Variants in TRPS1 observed in about 807,000 individuals in gnomAD.
TRPS1 encodes the protein transcriptional repressor GATA binding 1, also known as zinc finger transcription factor Trps1.
A neutral mutation model predicts 101.2 loss-of-function variants in TRPS1; 6 were observed. The observed-to-expected ratio is 0.06, with a 90% CI of 0.03 to 0.12. TRPS1 has a LOEUF of 0.12. Among genes scored for constraint, TRPS1 ranks in the 10% least tolerant of loss-of-function variants. The pLI is 1.00. For synonymous variants in TRPS1, 578 were observed against 589.8 expected, an observed-to-expected ratio of 0.98 and a Z score of 0.29; for missense variants, 1,363 against 1,567.0, an observed-to-expected ratio of 0.87 and a Z score of 2.20.
intron 1 of TRPS1, among the ~76,000 whole-genome samples, chr8:115,664,578 G>T (rs947460407): frequency 8.6e-5 from 13 of 152,014 alleles, no homozygotes; most frequent in African/African-American, 3.1e-4. Flanking sequence ...TGATAAATGA[G>T]TAAACAAGAC....
At chr8:115,600,876 G>T (rs1442084293) in intron 4 of TRPS1, among the ~76,000 whole-genome samples, 2 of 152,016 alleles carry the variant, frequency 1.3e-5, no homozygotes, top group Non-Finnish European at 2.9e-5. Flanking sequence ...AATGCAGTGA[G>T]AAAACCATTC....
chr8:115,559,811 A>C (rs958146085), intron 5 of TRPS1, among the ~76,000 whole-genome samples: 15 of 152,248 alleles, frequency 9.9e-5, no homozygotes, highest in Admixed American at 3.3e-4. Context: ...CCAGGTGTAC[A>C]TCTTTTATAT....
At chr8:115,539,833 G>A (rs1292953395) in intron 5 of TRPS1, among the ~76,000 whole-genome samples, 2 of 152,160 alleles carry the variant, frequency 1.3e-5, no homozygotes, top group Non-Finnish European at 2.9e-5. Context: ...TCCAGCCTGG[G>A]ACATAGAGGC....
At chr8:115,415,181 A>G (rs1812889200) in intron 6 of TRPS1, 97 bp from the exon 7 acceptor site, 15 of 1,302,394 alleles carry the variant, frequency 1.2e-5, no homozygotes, top group Admixed American at 1.0e-4. Context: ...GCTTAAGTTC[A>G]AAGCAGGGAT....
chr8:115,558,491 G>C (rs898338094), intron 5 of TRPS1, among the ~76,000 whole-genome samples: 1 of 152,128 alleles, frequency 6.6e-6, no homozygotes, highest in Non-Finnish European at 1.5e-5. Flanking sequence ...AGAATTCAAG[G>C]TTATAGTTTG....
At chr8:115,457,402 A>C (rs1217893617) in intron 5 of TRPS1, among the ~76,000 whole-genome samples, 2 of 152,158 alleles carry the variant, frequency 1.3e-5, no homozygotes, top group Non-Finnish European at 2.9e-5. Flanking sequence ...TGAGGTAGTT[A>C]GAGTAGTCAA....
chr8:115,573,173 A>C (rs566513222), intron 5 of TRPS1, among the ~76,000 whole-genome samples: 2 of 152,192 alleles, frequency 1.3e-5, no homozygotes, highest in East Asian at 3.9e-4. Flanking sequence ...TGAACTTTGA[A>C]GCCAGGCTAC....
At chr8:115,522,794 G>C (rs913078270) in intron 5 of TRPS1, among the ~76,000 whole-genome samples, 2 of 152,096 alleles carry the variant, frequency 1.3e-5, no homozygotes, top group Non-Finnish European at 2.9e-5. Context: ...TCTCAGCAAA[G>C]ATTAGTAAAA....
intron 5 of TRPS1, among the ~76,000 whole-genome samples, chr8:115,447,802 G>C (rs562835271): frequency 6.6e-6 from 1 of 152,140 alleles, no homozygotes; most frequent in South Asian, 2.1e-4. Flanking sequence ...CTTATGTTCA[G>C]TGTCACCTAC....
intron 5 of TRPS1, among the ~76,000 whole-genome samples, chr8:115,547,774 C>T (rs1816609865): frequency 6.6e-6 from 1 of 152,172 alleles, no homozygotes; most frequent in Non-Finnish European, 1.5e-5. Flanking sequence ...TCCTTCTACG[C>T]TGCACTTATT....
intron 5 of TRPS1, among the ~76,000 whole-genome samples, chr8:115,482,858 C>T (rs1224634873): frequency 6.6e-6 from 1 of 152,152 alleles, no homozygotes; most frequent in East Asian, 1.9e-4. Flanking sequence ...CCAAAATGCA[C>T]AGAAAGCCAT....
At chr8:115,666,333 C>A (rs1316230747) in intron 1 of TRPS1, among the ~76,000 whole-genome samples, 1 of 151,488 alleles carries the variant, frequency 6.6e-6, no homozygotes, top group Non-Finnish European at 1.5e-5. Flanking sequence ...ACTGTCCTGT[C>A]AGCATCAGAA....
At chr8:115,587,688 T>C in intron 4 of TRPS1, 84 bp from the exon 5 acceptor site, 1 of 1,602,444 alleles carries the variant, frequency 6.2e-7, no homozygotes, top group Non-Finnish European at 8.5e-7. Context: ...ACCTGAATTT[T>C]CTACCTACTC....
intron 5 of TRPS1, among the ~76,000 whole-genome samples, chr8:115,451,201 TA>T (rs1350935786): frequency 6.6e-6 from 1 of 152,188 alleles, no homozygotes; most frequent in African/African-American, 2.4e-5. Flanking sequence ...GCCCTATAGC[TA>T]AATGTGTGGC....
chr8:115,561,318 T>C (rs1400356822), intron 5 of TRPS1, among the ~76,000 whole-genome samples: 3 of 152,048 alleles, frequency 2.0e-5, no homozygotes, highest in Non-Finnish European at 2.9e-5. Flanking sequence ...CTGGGGTCTC[T>C]GGCACACACA....
chr8:115,541,426 A>C (rs903957915), intron 5 of TRPS1, among the ~76,000 whole-genome samples: 2 of 152,188 alleles, frequency 1.3e-5, no homozygotes, highest in African/African-American at 4.8e-5. Flanking sequence ...AGTGTAACCA[A>C]TTTTCACTGG....
intron 5 of TRPS1, among the ~76,000 whole-genome samples, chr8:115,525,797 C>T (rs1222423509): frequency 6.6e-6 from 1 of 152,138 alleles, no homozygotes; most frequent in Non-Finnish European, 1.5e-5. Flanking sequence ...TAGAAAATTT[C>T]CAACATCACA....
At chr8:115,596,596 G>A (rs762145331) in intron 4 of TRPS1, among the ~76,000 whole-genome samples, 3 of 151,726 alleles carry the variant, frequency 2.0e-5, no homozygotes, top group Non-Finnish European at 3.0e-5. Context: ...GATTACATAT[G>A]ATAAAGAAAG....
At chr8:115,620,672 C>T (rs1417660787) in intron 2 of TRPS1, among the ~76,000 whole-genome samples, 1 of 152,188 alleles carries the variant, frequency 6.6e-6, no homozygotes, top group East Asian at 1.9e-4. Context: ...TGAAAACTGC[C>T]TCATCACTTT....
Sources: allele counts gnomAD v4.1 joint callset (sites outside exome capture counted in the v4.1 genomes callset), GRCh38; gene constraint gnomAD v4.1.1; transcripts MANE v1.5; gene names NCBI Gene and HGNC (gene_info 2026-07-23, HGNC 2026-07-21).